ARHGAP22: variants seen among roughly 807,000 people sequenced by gnomAD.
The protein encoded by ARHGAP22 is rho GTPase-activating protein 22.
Under a neutral mutation model 59.1 loss-of-function variants are expected in ARHGAP22, and 48 were observed. The observed-to-expected ratio is 0.81, with a 90% confidence interval of 0.64 to 1.03. The LOEUF (loss-of-function observed/expected upper bound fraction) is 1.03. Ranked by LOEUF, ARHGAP22 falls within the 50% of genes least tolerant of loss-of-function variation. The pLI is 0.00. For missense variants in ARHGAP22, 1,015 were observed against 958.7 expected (o/e 1.06, Z -0.78); for synonymous variants, 445 against 416.4 (o/e 1.07, Z -0.84).
intron 3 of ARHGAP22, among the ~76,000 whole-genome samples, chr10:48,537,329 G>A (rs750948500): frequency 1.1e-4 from 17 of 152,170 alleles, no homozygotes; most frequent in Non-Finnish European, 2.2e-4. Context: ...GTGGACCAGA[G>A]CCCCTTCCTG....
chr10:48,617,805 C>A (rs1326516177), intron 1 of ARHGAP22, among the ~76,000 whole-genome samples: 1 of 151,822 alleles, frequency 6.6e-6, no homozygotes, highest in South Asian at 2.1e-4. Context: ...ACAAACCAAA[C>A]CCCAAATTAG....
intron 1 of ARHGAP22, among the ~76,000 whole-genome samples, chr10:48,624,686 T>C (rs2061388685): frequency 6.6e-6 from 1 of 152,198 alleles, no homozygotes; most frequent in South Asian, 2.1e-4. Flanking sequence ...AGAACATGAT[T>C]GGGTTAACCA....
At chr10:48,513,805 T>C (rs1398562129) in intron 3 of ARHGAP22, among the ~76,000 whole-genome samples, 2 of 152,164 alleles carry the variant, frequency 1.3e-5, no homozygotes, top group African/African-American at 4.8e-5. Context: ...ATATAAACTG[T>C]CCTTGACCTA....
intron 1 of ARHGAP22, among the ~76,000 whole-genome samples, chr10:48,587,681 T>C (rs1290784880): frequency 6.6e-6 from 1 of 152,218 alleles, no homozygotes; most frequent in Non-Finnish European, 1.5e-5. Context: ...GAGTACTCTT[T>C]GGGGTCTTTA....
At chr10:48,531,416 T>C (rs1469553824) in intron 3 of ARHGAP22, among the ~76,000 whole-genome samples, 9 of 152,228 alleles carry the variant, frequency 5.9e-5, no homozygotes, top group Non-Finnish European at 1.2e-4. Flanking sequence ...CAAAACCTAT[T>C]GAAATACATT....
intron 1 of ARHGAP22, among the ~76,000 whole-genome samples, chr10:48,599,028 G>A (rs1392672748): frequency 6.6e-6 from 1 of 152,198 alleles, no homozygotes; most frequent in Non-Finnish European, 1.5e-5. Flanking sequence ...CGAAAAATGG[G>A]GCAATAGTGG....
At chr10:48,511,325 C>T (rs1564795572) in intron 3 of ARHGAP22, among the ~76,000 whole-genome samples, 1 of 152,224 alleles carries the variant, frequency 6.6e-6, no homozygotes, top group Admixed American at 6.5e-5. Context: ...CAGGCACATG[C>T]TCAGTGGCAC....
intron 4 of ARHGAP22, among the ~76,000 whole-genome samples, chr10:48,460,396 T>C (rs1227013622): frequency 1.3e-5 from 2 of 152,158 alleles, no homozygotes; most frequent in African/African-American, 4.8e-5. Flanking sequence ...CATCAATCAT[T>C]ATTAGGAAAA....
At chr10:48,594,208 G>A (rs766775546) in intron 1 of ARHGAP22, among the ~76,000 whole-genome samples, 26 of 152,178 alleles carry the variant, frequency 1.7e-4, no homozygotes, top group African/African-American at 5.1e-4. Flanking sequence ...GACTAACACC[G>A]ATCAGCCCAC....
At chr10:48,604,700 T>C in intron 1 of ARHGAP22, 63 bp downstream of exon 1, 2 of 1,613,640 alleles carry the variant, frequency 1.2e-6, no homozygotes, top group African/African-American at 1.3e-5. Context: ...TGGCCAAGTG[T>C]CCGCGCACGT....
the ARHGAP22 span, among the ~76,000 whole-genome samples, chr10:48,434,513 A>C: frequency 6.6e-6 from 1 of 152,202 alleles, no homozygotes; most frequent in South Asian, 2.1e-4. Flanking sequence ...CTCTGTCCAA[A>C]AAAAGGCATT....
At chr10:48,621,811 A>G (rs1262375783) in intron 1 of ARHGAP22, among the ~76,000 whole-genome samples, 1 of 152,136 alleles carries the variant, frequency 6.6e-6, no homozygotes, top group Non-Finnish European at 1.5e-5. Context: ...GTTTTGCTTC[A>G]TGGACTTTGG....
At chr10:48,566,811 A>G (rs2058072282) in intron 2 of ARHGAP22, among the ~76,000 whole-genome samples, 2 of 152,190 alleles carry the variant, frequency 1.3e-5, no homozygotes, top group Non-Finnish European at 2.9e-5. Context: ...TTGAACTCAG[A>G]ACACCGGCTC....
chr10:48,573,152 T>G (rs553381751), intron 2 of ARHGAP22, among the ~76,000 whole-genome samples: 1 of 152,250 alleles, frequency 6.6e-6, no homozygotes, highest in Non-Finnish European at 1.5e-5. Flanking sequence ...CCATGTCGCC[T>G]GCCCCTAGAC....
intron 1 of ARHGAP22, among the ~76,000 whole-genome samples, chr10:48,610,330 G>A (rs544131356): frequency 1.6e-4 from 24 of 152,242 alleles, no homozygotes; most frequent in Admixed American, 3.9e-4. Flanking sequence ...CAGACATACC[G>A]AGCAAGAGAG....
Position 48,622,189 on chromosome 10 carries a change from T to C in ARHGAP22, c.52+30045A>G, listed in dbSNP as rs142677592. On this transcript the variant is annotated intron_variant, in intron 1 of 9. Coordinates refer to the ARHGAP22 transcript ENST00000435790. ...CTTACTTTTGTTATTTTGCTACTTG[T>C]TTTCTATGTGTGATGTATCTTTTTT... Among the ~76,000 whole-genome samples the C allele has an allele frequency of 7.8e-3, 1,188 of 152,344 alleles. 12 individuals are homozygous for C. Among genetic ancestry groups the C allele is most frequent in the African/African-American group, 0.021 (879 of 41,580 alleles).
chr10:48,517,004 T>C (rs915673294), intron 3 of ARHGAP22, among the ~76,000 whole-genome samples: 22 of 152,166 alleles, frequency 1.4e-4, no homozygotes, highest in African/African-American at 5.1e-4. Context: ...ATCACAAAAA[T>C]ACAATATATT....
chr10:48,610,272 T>A (rs1045452836), intron 1 of ARHGAP22, among the ~76,000 whole-genome samples: 2 of 152,068 alleles, frequency 1.3e-5, no homozygotes, highest in Non-Finnish European at 2.9e-5. Context: ...TGTCTTGGGA[T>A]CCTGAACAGA....
downstream of ARHGAP22, chr10:48,444,195 A>T (rs1376769413): frequency 6.6e-6 from 1 of 152,210 alleles, no homozygotes; most frequent in Non-Finnish European, 1.5e-5. Context: ...AATTCATGTA[A>T]TTCATGAGTC....
Sources: allele counts gnomAD v4.1 joint callset (sites outside exome capture counted in the v4.1 genomes callset), GRCh38; gene constraint gnomAD v4.1.1; transcripts MANE v1.5; gene names NCBI Gene and HGNC (gene_info 2026-07-23, HGNC 2026-07-21).